The following PRLR variants were observed in gnomAD, a reference collection of about 807,000 sequenced individuals.
PRLR encodes the protein hPRL receptor.
In PRLR, 13 loss-of-function variants were observed where a neutral mutation model predicts 40.2. The observed-to-expected ratio is 0.32, with a 90% confidence interval of 0.21 to 0.51. The LOEUF (loss-of-function observed/expected upper bound fraction) is 0.51, where lower values mean the gene tolerates loss of function less well. Ranked by LOEUF, PRLR falls within the 20% of genes least tolerant of loss-of-function variation. The probability of loss-of-function intolerance (pLI) is 0.97; values close to 1 mark genes in which losing one functional copy is unlikely to be tolerated. For missense variants in PRLR, 656 were observed against 747.3 expected (o/e 0.88, Z 1.42); for synonymous variants, 269 against 278.7 (o/e 0.97, Z 0.35).
intron 5 of PRLR, among the ~76,000 whole-genome samples, chr5:35,080,652 G>A (rs1310580895): frequency 2.6e-5 from 4 of 152,114 alleles, no homozygotes; most frequent in African/African-American, 9.7e-5. Flanking sequence ...CAAGGATCTA[G>A]AACTAGAAAT....
At chr5:35,228,254 GC>G (rs1776603708) in intron 1 of PRLR, among the ~76,000 whole-genome samples, 1 of 55,034 alleles carries the variant, frequency 1.8e-5, no homozygotes, top group Non-Finnish European at 4.2e-5. Flanking sequence ...AAAAAAAAAA[GC>G]AGCATTATTT....
chr5:35,086,686 G>A (rs975646462), intron 3 of PRLR, among the ~76,000 whole-genome samples: 1 of 152,102 alleles, frequency 6.6e-6, no homozygotes, highest in Non-Finnish European at 1.5e-5. Context: ...CATATTGGTT[G>A]AAGAGTGTGT....
At chr5:35,174,793 C>T (rs946947100) in intron 1 of PRLR, among the ~76,000 whole-genome samples, 4 of 152,142 alleles carry the variant, frequency 2.6e-5, no homozygotes, top group African/African-American at 9.7e-5. Flanking sequence ...CTTGTCTCTG[C>T]CTTTCAGCTT....
chr5:35,230,279 A>G lies in PRLR; in HGVS notation c.-117T>C, dbSNP rs1485844253. 6.6e-6 allele frequency: 1 copy of G among 152,232 alleles called. No individual in the cohort carries two copies. Among genetic ancestry groups the G allele is most frequent in the African/African-American group, 2.4e-5 (1 of 41,470 alleles). The allele number at this position is 152,232 out of a possible 1,614,324, so 9.4% of individuals were successfully genotyped here. The stretch of plus-strand genomic sequence containing the variant: ...CCATGGGTACTCACTTTTGCCAGGG[A>G]GCAAAGTCTGCCACATCAGTCGATG... On this transcript the variant is annotated 5_prime_UTR_variant, in exon 1 of 10. Transcript: ENST00000618457.
intron 1 of PRLR, among the ~76,000 whole-genome samples, chr5:35,201,719 C>T (rs1055033885): frequency 7.9e-5 from 12 of 152,080 alleles, no homozygotes; most frequent in African/African-American, 2.9e-4. Context: ...CTCTTCTCCT[C>T]TCCTCTTTTC....
At chr5:35,092,979 G>A (rs548824832) in intron 2 of PRLR, among the ~76,000 whole-genome samples, 79 of 152,248 alleles carry the variant, frequency 5.2e-4, no homozygotes, top group African/African-American at 1.9e-3. Flanking sequence ...GTGGCCCACC[G>A]TGGTATGAAC....
intron 1 of PRLR, among the ~76,000 whole-genome samples, chr5:35,224,344 G>T (rs1484233224): frequency 6.6e-6 from 1 of 152,078 alleles, no homozygotes; most frequent in African/African-American, 2.4e-5. Context: ...TCCATTTCTG[G>T]CCAGTGAATA....
downstream of PRLR, among the ~76,000 whole-genome samples, chr5:35,054,588 A>AAGG (rs1768631117): frequency 6.6e-6 from 1 of 152,190 alleles, no homozygotes. Flanking sequence ...GTAGATAAAT[A>AAGG]GGGAGATTAA....
chr5:35,099,288 T>TA (rs1771715012), intron 2 of PRLR, among the ~76,000 whole-genome samples: 1 of 152,132 alleles, frequency 6.6e-6, no homozygotes, highest in Admixed American at 6.5e-5. Flanking sequence ...GGTGGTCCTA[T>TA]AAGATGACAA....
chr5:35,068,390 T>C (rs1461117466), intron 8 of PRLR, 105 bp from the exon 9 acceptor site: 1 of 975,186 alleles, frequency 1.0e-6, no homozygotes, highest in African/African-American at 1.6e-5. Context: ...GAGATAGGAC[T>C]TGGTTTGGCA....
intron 2 of PRLR, among the ~76,000 whole-genome samples, chr5:35,097,309 T>A (rs1771591887): frequency 6.6e-6 from 1 of 152,206 alleles, no homozygotes; most frequent in South Asian, 2.1e-4. Flanking sequence ...ATCCACTGCA[T>A]GCCAGGCACT....
chr5:35,220,824 C>T (rs1342536871), intron 1 of PRLR, among the ~76,000 whole-genome samples: 1 of 152,216 alleles, frequency 6.6e-6, no homozygotes, highest in African/African-American at 2.4e-5. Flanking sequence ...CAAAATGCTA[C>T]ATCACCTTCT....
chr5:35,222,174 G>A lies in PRLR; in HGVS notation c.-106+8094C>T, dbSNP rs185816460. ...AAAAATTAGCCGGGCTTGGTGGCGC[G>A]TGCCTGTAGTCCCAGCTACTCGGGA... is the stretch of plus-strand genomic sequence containing the variant. On this transcript the variant is annotated intron_variant, in intron 1 of 9. Transcript: ENST00000618457. Among the ~76,000 whole-genome samples the A allele has an allele frequency of 1.4e-4, 22 of 152,170 alleles. No homozygotes were observed. In the South Asian group the frequency reaches 2.1e-3, roughly 14 times the overall value.
chr5:35,213,360 A>G (rs1230870178), intron 1 of PRLR, among the ~76,000 whole-genome samples: 2 of 152,202 alleles, frequency 1.3e-5, no homozygotes, highest in African/African-American at 4.8e-5. Context: ...AGAAATCCAC[A>G]ACCTTTTAGG....
chr5:35,137,192 C>T (rs1422979296), intron 1 of PRLR, among the ~76,000 whole-genome samples: 1 of 152,192 alleles, frequency 6.6e-6, no homozygotes, highest in Non-Finnish European at 1.5e-5. Flanking sequence ...TCATTCTACT[C>T]ACAAAGAAAA....
At chr5:35,135,812 T>C (rs1561326941) in intron 1 of PRLR, among the ~76,000 whole-genome samples, 1 of 152,194 alleles carries the variant, frequency 6.6e-6, no homozygotes, top group Non-Finnish European at 1.5e-5. Flanking sequence ...CTGGGTGACA[T>C]TGACTCCCTA....
intron 2 of PRLR, among the ~76,000 whole-genome samples, chr5:35,102,668 G>A (rs1049084212): frequency 3.3e-5 from 5 of 151,910 alleles, no homozygotes; most frequent in African/African-American, 1.2e-4. Flanking sequence ...TTAGCCTCCC[G>A]AGTAGCTGGG....
rs151095129 is a variant in PRLR, at chr5:35,066,134, T to C, written c.856-32A>G. ...AAACACAGACACAAGAAGAGATGGCTGTTAGCTTCATAACATTCCAAATCA... is the reference window on the plus strand; with the variant it reads ...AAACACAGACACAAGAAGAGATGGCCGTTAGCTTCATAACATTCCAAATCA... On this transcript the variant is annotated intron_variant, in intron 9 of 9. Coordinates refer to ENST00000618457, the MANE Select transcript of PRLR (RefSeq NM_000949.7). 86 of 1,583,376 alleles carry C rather than the reference T, an allele frequency of 5.4e-5. No individual in the cohort carries two copies. In the African/African-American group the frequency reaches 1.1e-3, roughly 20 times the overall value.
chr5:35,131,495 G>C (rs1773673324), intron 1 of PRLR, among the ~76,000 whole-genome samples: 1 of 152,122 alleles, frequency 6.6e-6, no homozygotes, highest in Admixed American at 6.5e-5. Context: ...CTGGCAAAAG[G>C]CATGCAGTTT....
Sources: gnomAD v4.1 joint callset for allele counts (sites outside exome capture counted in the v4.1 genomes callset) on GRCh38, gnomAD v4.1.1 for gene constraint, MANE v1.5 for transcripts, NCBI Gene and HGNC (gene_info 2026-07-23, HGNC 2026-07-21) for gene names.